The following BRDT variants were observed in gnomAD, a reference collection of about 807,000 sequenced individuals.
The protein encoded by BRDT is bromodomain testis associated.
A neutral mutation model predicts 113.9 loss-of-function variants in BRDT; 77 were observed. That is an observed-to-expected ratio of 0.68 (90% CI 0.56 to 0.82). The LOEUF is 0.82. Ranked by LOEUF, BRDT falls within the 40% of genes least tolerant of loss-of-function variation. The probability of loss-of-function intolerance (pLI) is 0.00; values close to 1 mark genes in which losing one functional copy is unlikely to be tolerated. For synonymous variants in BRDT, 358 were observed against 366.5 expected, an observed-to-expected ratio of 0.98 and a Z score of 0.26; for missense variants, 1,027 against 1,105.4, an observed-to-expected ratio of 0.93 and a Z score of 1.01.
intron 3 of BRDT, among the ~76,000 whole-genome samples, chr1:91,966,710 T>TA (rs1218386751): frequency 6.6e-6 from 1 of 152,222 alleles, no homozygotes; most frequent in African/African-American, 2.4e-5. Flanking sequence ...GTAAATTACT[T>TA]ACTTTTTTTC....
intron 4 of BRDT, among the ~76,000 whole-genome samples, chr1:91,970,994 G>T (rs950975056): frequency 6.6e-6 from 1 of 151,950 alleles, no homozygotes; most frequent in Admixed American, 6.6e-5. Flanking sequence ...TTGGCTCATG[G>T]TTTTGCAGGC....
intron 8 of BRDT, among the ~76,000 whole-genome samples, 166 bp downstream of exon 8, chr1:91,979,923 TTTA>T (rs1407584336): frequency 3.3e-5 from 5 of 152,352 alleles, no homozygotes; most frequent in Non-Finnish European, 7.3e-5. Flanking sequence ...TAATCAAATA[TTTA>T]TTATCATAAA....
intron 13 of BRDT, among the ~76,000 whole-genome samples, chr1:91,991,917 G>A (rs964935453): frequency 3.4e-5 from 5 of 147,970 alleles, no homozygotes; most frequent in Admixed American, 6.9e-5. Context: ...GCGTGAACCC[G>A]GGAGGCAGAG....
rs569559023 is a variant in BRDT, at chr1:91,994,218, A to G, written c.2251A>G (p.Lys751Glu). 1.1e-5 allele frequency: 17 copies of G among 1,611,528 alleles called. No homozygotes were observed. The highest frequency in any genetic ancestry group is 6.7e-5 in the African/African-American group (5 of 74,974). ...YQELEHLQTV[K>E]NISPLQILPP... ...AGAATTAGAACATTTACAGACTGTG[A>G]AAAACATTTCACCTTTACAAATTCT... The change falls in exon 15 of 19, where the codon AAA becomes GAA. Residue 751 changes from lysine to glutamate, a missense_variant. Coordinates refer to ENST00000399546, the MANE Select transcript of BRDT (RefSeq NM_207189.4).
In BRDT at chr1:91,962,294, TTC is replaced by T. The variant is rs1491242859; in HGVS notation, c.-37-423_-37-422del. Among the ~76,000 whole-genome samples, 3 of 136,224 alleles carry T rather than the reference TTC, an allele frequency of 2.2e-5. No individual in the cohort carries two copies. The East Asian group carries it at 5.8e-4, about 26-fold the overall frequency. The allele number at this position is 136,224 out of a possible 152,430, so 89.4% of individuals were successfully genotyped here. ...CTTTGCCATTTGGCTTTTTTTTTTT[TTC>T]ATCCTGTCTTAATCATGATGTGCTT... On this transcript the variant is annotated intron_variant, in intron 1 of 18. Transcript: ENST00000399546.
At chr1:91,993,666 AG>A (rs1022306764) in intron 14 of BRDT, among the ~76,000 whole-genome samples, 2 of 152,228 alleles carry the variant, frequency 1.3e-5, no homozygotes, top group African/African-American at 4.8e-5. Context: ...TAATACAGTA[AG>A]GAAAAATGGC....
chr1:91,976,943 G>A, intron 5 of BRDT, 100 bp from the exon 6 acceptor site: 2 of 889,642 alleles, frequency 2.2e-6, no homozygotes, highest in Non-Finnish European at 3.3e-6. Flanking sequence ...ATGAAGACTT[G>A]GTGCCAATAA....
intron 3 of BRDT, among the ~76,000 whole-genome samples, chr1:91,965,891 C>T (rs998448043): frequency 6.6e-6 from 1 of 151,770 alleles, no homozygotes; most frequent in Admixed American, 6.6e-5. Flanking sequence ...TCCTTTGATT[C>T]TCCCTTTTGC....
At chr1:91,959,413 T>A (rs1249873744) in intron 1 of BRDT, among the ~76,000 whole-genome samples, 2 of 56,402 alleles carry the variant, frequency 3.5e-5, no homozygotes, top group East Asian at 1.2e-3. Flanking sequence ...TTTTCTCTTT[T>A]TCTTTCTTTT....
At chr1:91,959,165 A>T (rs57572102) in intron 1 of BRDT, among the ~76,000 whole-genome samples, 9,977 of 152,262 alleles carry the variant, frequency 0.066, 336 homozygotes, top group Non-Finnish European at 0.087. Flanking sequence ...CGATGGAGTG[A>T]GATGCCATCT....
At chr1:91,996,410 G>A (rs147096256) in intron 15 of BRDT, among the ~76,000 whole-genome samples, 292 of 152,132 alleles carry the variant, frequency 1.9e-3, no homozygotes, top group Non-Finnish European at 2.8e-3. Context: ...CACCATATGC[G>A]GCTAATTTTT....
intron 14 of BRDT, among the ~76,000 whole-genome samples, chr1:91,993,263 C>T (rs1159859002): frequency 6.6e-6 from 1 of 152,134 alleles, no homozygotes. Context: ...CTCACTCACC[C>T]CAATGCCTTG....
chr1:92,007,620 CAT>C (rs1285073504), intron 18 of BRDT, among the ~76,000 whole-genome samples: 2 of 152,302 alleles, frequency 1.3e-5, no homozygotes, highest in East Asian at 3.9e-4. Flanking sequence ...CCTTCATTGA[CAT>C]AGTCAGTAAC....
chr1:91,974,027 A>C (rs907109297), intron 4 of BRDT, among the ~76,000 whole-genome samples: 3 of 152,196 alleles, frequency 2.0e-5, no homozygotes, highest in African/African-American at 4.8e-5. Flanking sequence ...CAAAAACAAG[A>C]AATGGGGAAA....
intron 3 of BRDT, among the ~76,000 whole-genome samples, chr1:91,967,546 G>GC (rs1378187621): frequency 6.6e-6 from 1 of 152,046 alleles, no homozygotes; most frequent in Non-Finnish European, 1.5e-5. Flanking sequence ...TTACAGGCAC[G>GC]CACCACCACG....
At chr1:91,958,777 G>A (rs938023593) in intron 1 of BRDT, among the ~76,000 whole-genome samples, 2 of 152,080 alleles carry the variant, frequency 1.3e-5, no homozygotes, top group African/African-American at 4.8e-5. Context: ...AAAATGAGGC[G>A]GGGAACCGTG....
chr1:91,977,072 TACA>T lies in BRDT; in HGVS notation c.654_656del (p.Thr219del), dbSNP rs769956174. 3 of 1,609,158 alleles carry T rather than the reference TACA, an allele frequency of 1.9e-6. No individual in the cohort carries two copies. The highest frequency in any genetic ancestry group is 2.5e-6 in the Non-Finnish European group (3 of 1,177,990). ...CAAAAGGTGTGAAGAGGAAAGCAGA[TACA>T]ACAACTCCTGCAACTTCAGCAGTTA... On this transcript the variant is annotated inframe_deletion, in exon 6 of 19. Coordinates refer to ENST00000399546, the MANE Select transcript of BRDT (RefSeq NM_207189.4).
intron 1 of BRDT, among the ~76,000 whole-genome samples, chr1:91,954,019 T>C (rs1440796793): frequency 6.6e-6 from 1 of 152,130 alleles, no homozygotes; most frequent in East Asian, 1.9e-4. Context: ...TTGCCCAGGC[T>C]AGAGTACAGT....
intron 3 of BRDT, 67 bp downstream of exon 3, chr1:91,964,831 T>C (rs1446092319): frequency 1.8e-6 from 2 of 1,128,868 alleles, no homozygotes; most frequent in Non-Finnish European, 2.4e-6. Flanking sequence ...ATGTATAAAA[T>C]CATGTGATCA....
Sources: allele counts gnomAD v4.1 joint callset (sites outside exome capture counted in the v4.1 genomes callset), GRCh38; gene constraint gnomAD v4.1.1; transcripts MANE v1.5; gene names NCBI Gene and HGNC (gene_info 2026-07-23, HGNC 2026-07-21).